MICU3: variants seen among roughly 807,000 people sequenced by gnomAD.
The protein encoded by MICU3 is mitochondrial calcium uptake 3.
In MICU3, 62 loss-of-function variants were observed where a neutral mutation model predicts 66.5. That is an observed-to-expected ratio of 0.93 (90% CI 0.76 to 1.15). The LOEUF (loss-of-function observed/expected upper bound fraction) is 1.15. Ranked by LOEUF, MICU3 falls within the 50% of genes most tolerant of loss-of-function variation. The pLI is 0.00. For missense variants in MICU3, 779 were observed against 664.4 expected (o/e 1.17, Z -1.90); for synonymous variants, 308 against 240.7 (o/e 1.28, Z -2.59).
At chr8:17,051,692 C>CT (rs1484697625) in intron 1 of MICU3, among the ~76,000 whole-genome samples, 1 of 152,134 alleles carries the variant, frequency 6.6e-6, no homozygotes, top group Non-Finnish European at 1.5e-5. Context: ...AAGAGGAAAA[C>CT]TGAGAAGTGA....
chr8:17,027,330 A>C lies in MICU3; in HGVS notation c.51A>C (p.Pro17=). 6.6e-7 allele frequency: 1 copy of C among 1,522,544 alleles called. No individual in the cohort carries two copies. The highest frequency in any genetic ancestry group is 8.7e-7 in the Non-Finnish European group (1 of 1,145,128). The allele number at this position is 1,522,544 out of a possible 1,614,324, so 94.3% of individuals were successfully genotyped here. ...GGCCGCCACCCCGGGTGTCTCCTCC[A>C]CTCTGCGCTCACCAGCCCCTCCTTG... is the stretch of plus-strand genomic sequence containing the variant. ...LLWPPPRVSP[P]LCAHQPLLGP... The change falls in exon 1 of 15, where the codon CCA becomes CCC. Residue 17 remains proline (P), a synonymous_variant. Coordinates refer to ENST00000318063, the MANE Select transcript of MICU3 (RefSeq NM_181723.3).
intron 12 of MICU3, among the ~76,000 whole-genome samples, chr8:17,115,476 T>A (rs149958913): frequency 1.3e-5 from 2 of 152,264 alleles, no homozygotes; most frequent in African/African-American, 4.8e-5. Flanking sequence ...AGAAAAGTTG[T>A]TTGTTTTTTA....
intron 1 of MICU3, among the ~76,000 whole-genome samples, chr8:17,063,607 A>T (rs1463291050): frequency 6.6e-6 from 1 of 152,074 alleles, no homozygotes; most frequent in Non-Finnish European, 1.5e-5. Context: ...TATTACCACT[A>T]ATGGTTTCCT....
intron 1 of MICU3, among the ~76,000 whole-genome samples, chr8:17,043,101 G>A (rs946508400): frequency 5.3e-5 from 8 of 151,404 alleles, no homozygotes; most frequent in African/African-American, 1.5e-4. Flanking sequence ...CACCACGCCC[G>A]GCTAATTTTT....
At chr8:17,038,718 C>G (rs914842444) in intron 1 of MICU3, among the ~76,000 whole-genome samples, 1 of 151,982 alleles carries the variant, frequency 6.6e-6, no homozygotes, top group African/African-American at 2.4e-5. Flanking sequence ...CTTTGGGAGG[C>G]CAAGGCAGGC....
intron 1 of MICU3, 52 bp downstream of exon 1, chr8:17,027,712 C>T (rs954231633): frequency 1.0e-5 from 13 of 1,262,542 alleles, no homozygotes; most frequent in South Asian, 3.0e-5. Flanking sequence ...ACCTTCGTGC[C>T]GGGTACGCAG....
At chr8:17,087,080 A>C (rs573759344) in intron 7 of MICU3, 45 bp downstream of exon 7, 1 of 1,195,812 alleles carries the variant, frequency 8.4e-7, no homozygotes, top group African/African-American at 1.5e-5. Context: ...TGTAGGCAAC[A>C]ATTATTTTAT....
chr8:17,088,778 C>T (rs1414437011), intron 7 of MICU3, among the ~76,000 whole-genome samples: 1 of 151,784 alleles, frequency 6.6e-6, no homozygotes, highest in Non-Finnish European at 1.5e-5. Context: ...GCAGACAATG[C>T]ACACTGAGAA....
chr8:17,071,652 T>C (rs1347437241), intron 3 of MICU3, among the ~76,000 whole-genome samples: 1 of 152,028 alleles, frequency 6.6e-6, no homozygotes, highest in Non-Finnish European at 1.5e-5. Flanking sequence ...GAATAGAATG[T>C]GATTGGAAGA....
chr8:17,045,958 G>A (rs1814999865), intron 1 of MICU3, among the ~76,000 whole-genome samples: 1 of 152,140 alleles, frequency 6.6e-6, no homozygotes, highest in African/African-American at 2.4e-5. Context: ...TGGGAATTAT[G>A]GTAGCTACAA....
At chr8:17,108,343 G>A (rs984534552) in intron 11 of MICU3, among the ~76,000 whole-genome samples, 1 of 152,124 alleles carries the variant, frequency 6.6e-6, no homozygotes, top group African/African-American at 2.4e-5. Flanking sequence ...ATTGTCTGCA[G>A]CTTAAACTTC....
intron 3 of MICU3, among the ~76,000 whole-genome samples, chr8:17,075,195 T>A (rs1348035403): frequency 7.0e-6 from 1 of 143,102 alleles, no homozygotes; most frequent in Non-Finnish European, 1.5e-5. Flanking sequence ...AGTTGGGGTG[T>A]GTCACCGTCC....
chr8:17,036,509 G>T (rs1813018949), intron 1 of MICU3, among the ~76,000 whole-genome samples: 1 of 152,050 alleles, frequency 6.6e-6, no homozygotes, highest in African/African-American at 2.4e-5. Flanking sequence ...GGTGCTGATT[G>T]GTGCGTTTAC....
chr8:17,034,135 A>G (rs1053710562), intron 1 of MICU3, among the ~76,000 whole-genome samples: 13 of 152,296 alleles, frequency 8.5e-5, no homozygotes, highest in African/African-American at 2.9e-4. Flanking sequence ...TGAAAATCCT[A>G]GGGCCCTTAA....
At chr8:17,053,571 A>T (rs1017455483) in intron 1 of MICU3, among the ~76,000 whole-genome samples, 4 of 152,072 alleles carry the variant, frequency 2.6e-5, no homozygotes, top group Non-Finnish European at 5.9e-5. Flanking sequence ...CAATATTTTT[A>T]TTTTTCTGGG....
chr8:17,063,301 GA>G (rs1410113449), intron 1 of MICU3, among the ~76,000 whole-genome samples: 3 of 152,104 alleles, frequency 2.0e-5, no homozygotes, highest in Admixed American at 1.3e-4. Context: ...TCAGGTTATT[GA>G]AGCATGTATG....
intron 1 of MICU3, among the ~76,000 whole-genome samples, chr8:17,047,198 A>G (rs1273198812): frequency 1.3e-5 from 2 of 152,226 alleles, no homozygotes; most frequent in African/African-American, 4.8e-5. Flanking sequence ...AAAGAATCAA[A>G]TAGAATTTCT....
chr8:17,106,246 G>T (rs1452042586), intron 11 of MICU3, among the ~76,000 whole-genome samples: 1 of 151,784 alleles, frequency 6.6e-6, no homozygotes, highest in African/African-American at 2.4e-5. Flanking sequence ...TTTAGACAAG[G>T]ATCAGGTTAG....
At chr8:17,078,697 T>A (rs968571250) in intron 4 of MICU3, among the ~76,000 whole-genome samples, 1 of 151,900 alleles carries the variant, frequency 6.6e-6, no homozygotes, top group Admixed American at 6.6e-5. Flanking sequence ...TTTGAAGGAG[T>A]AGTTATAATT....
Sources: gnomAD v4.1 joint callset for allele counts (sites outside exome capture counted in the v4.1 genomes callset) on GRCh38, gnomAD v4.1.1 for gene constraint, MANE v1.5 for transcripts, NCBI Gene and HGNC (gene_info 2026-07-23, HGNC 2026-07-21) for gene names.